Variants in TXN observed in about 807,000 individuals in gnomAD.
The protein encoded by TXN is thioredoxin.
A neutral mutation model predicts 16.5 loss-of-function variants in TXN; 10 were observed. The ratio of observed to expected loss-of-function variants is 0.61; its 90% CI spans 0.37 to 1.03. The LOEUF (loss-of-function observed/expected upper bound fraction) is 1.03, where lower values mean the gene tolerates loss of function less well. Ranked by LOEUF, TXN falls within the 50% of genes least tolerant of loss-of-function variation. The pLI, the probability that TXN is intolerant of heterozygous loss-of-function variation, is 0.01. For synonymous variants in TXN, 35 were observed against 39.4 expected (o/e 0.89, Z 0.42); for missense variants, 71 against 122.5 (o/e 0.58, Z 1.98).
Position 110,251,376 on chromosome 9 carries a change from C to A in TXN, c.111G>T (p.Met37Ile). The change falls in exon 2 of 5, where the codon ATG becomes ATT. Residue 37 changes from methionine to isoleucine, a missense_variant. By Grantham distance (10) the Met-to-Ile change is conservative. Coordinates refer to ENST00000374517, the MANE Select transcript of TXN (RefSeq NM_003329.4). ...TACTCACATGAAAGAAAGGCTTGAT[C>A]ATTTTGCAAGGCCCACACCACGTGG... ...FSATWCGPCK[M>I]IKPFFHSLSE... The A allele has an allele frequency of 6.2e-7, 1 of 1,611,206 alleles. No individual in the cohort carries two copies. The highest frequency in any genetic ancestry group is 1.1e-5 in the South Asian group (1 of 90,934).
rs1172654916 is a variant in TXN at position 110,245,645 on chromosome 9, TA to T, written c.190-803del. Among the ~76,000 whole-genome samples, 275 of 33,378 alleles carry T rather than the reference TA, an allele frequency of 8.2e-3. 4 individuals carry two copies. Among genetic ancestry groups the T allele is most frequent in the African/African-American group, 0.013 (83 of 6,308 alleles). 21.9% of individuals were successfully genotyped at this position (33,378 alleles called of 152,430 possible). ...ATATATATATATATATATATATATATATATATATATTTTTTTTTTTTTTTTT... is the reference window on the plus strand; with the variant it reads ...ATATATATATATATATATATATATATTATATATATTTTTTTTTTTTTTTTT... On this transcript the variant is annotated intron_variant, in intron 3 of 4. Coordinates refer to ENST00000374517, the MANE Select transcript of TXN (RefSeq NM_003329.4).
At position 110,245,652 on chromosome 9, in the gene TXN, A is replaced by AT. The variant is rs1277293432; in HGVS notation, c.190-810dup. Among the ~76,000 whole-genome samples the AT allele has an allele frequency of 4.6e-4, 11 of 23,678 alleles. No homozygotes were observed. In the South Asian group the frequency reaches 8.8e-3, roughly 19 times the overall value. The allele number at this position is 23,678 out of a possible 152,430, so 15.5% of individuals were successfully genotyped here. ...TATATATATATATATATATATATATATATTTTTTTTTTTTTTTTTTTATAG... is the reference window on the plus strand; with the variant it reads ...TATATATATATATATATATATATATATTATTTTTTTTTTTTTTTTTTTATAG... On this transcript the variant is annotated intron_variant, in intron 3 of 4. Coordinates refer to ENST00000374517, the MANE Select transcript of TXN (RefSeq NM_003329.4).
Position 110,256,315 on chromosome 9 carries a change from C to T in TXN, c.24+97G>A. The T allele has an allele frequency of 7.5e-7, 1 of 1,338,768 alleles. No individual in the cohort carries two copies. Among genetic ancestry groups the T allele is most frequent in the Non-Finnish European group, 1.0e-6 (1 of 965,388 alleles). 82.9% of individuals were successfully genotyped at this position (1,338,768 alleles called of 1,614,324 possible). On this transcript the variant is annotated intron_variant, in intron 1 of 4. Coordinates refer to ENST00000374517, the MANE Select transcript of TXN (RefSeq NM_003329.4). The surrounding 1 kb of genome is among the most constrained non-coding windows in gnomAD (Gnocchi z 4.2). ...CGATGCGGAGGGGCGGCCTCCGCAC[C>T]TCCCGCCACCGCCTTCCCCACCTCC...
intron 3 of TXN, among the ~76,000 whole-genome samples, chr9:110,245,626 A>ACACACAC (rs1310999227): frequency 4.8e-5 from 1 of 21,012 alleles, no homozygotes; most frequent in African/African-American, 2.6e-4. Context: ...CACTATATAT[A>ACACACAC]TATATATATA....
rs781316635 is a variant in TXN at position 110,251,403 on chromosome 9, T to G, written c.84A>C (p.Ser28=). The change falls in exon 2 of 5, where the codon TCA becomes TCC. Residue 28 remains serine (S), a synonymous_variant. Coordinates refer to ENST00000374517, the MANE Select transcript of TXN (RefSeq NM_003329.4). The part of the protein sequence containing the change: ...AGDKLVVVDF[S]ATWCGPCKMI... ...TTTTGCAAGGCCCACACCACGTGGC[T>G]GAGAAGTCAACTACTACAAGTTTAT... The G allele has an allele frequency of 1.2e-6, 2 of 1,612,140 alleles. No homozygotes were observed. Among genetic ancestry groups the G allele is most frequent in the South Asian group, 2.2e-5 (2 of 90,994 alleles).
rs1316413605 is a variant in TXN, at chr9:110,245,639, TATATATATATATATA to T, written c.190-811_190-797del. Among the ~76,000 whole-genome samples the T allele has an allele frequency of 9.5e-4, 29 of 30,620 alleles. 1 individual carries two copies. The highest frequency in any genetic ancestry group is 0.02 in the Middle Eastern group (2 of 102). The allele number at this position is 30,620 out of a possible 152,430, so 20.1% of individuals were successfully genotyped here. The stretch of plus-strand genomic sequence containing the variant: ...CACACTATATATATATATATATATA[TATATATATATATATA>T]TTTTTTTTTTTTTTTTTTTATAGGG... On this transcript the variant is annotated intron_variant, in intron 3 of 4. Coordinates refer to ENST00000374517, the MANE Select transcript of TXN (RefSeq NM_003329.4).
chr9:110,248,485 A>G (rs1294424940), intron 3 of TXN, among the ~76,000 whole-genome samples: 1 of 152,238 alleles, frequency 6.6e-6, no homozygotes, highest in Non-Finnish European at 1.5e-5. Context: ...TAGGAGCAAC[A>G]GGCTTTACCA....
Position 110,256,438 on chromosome 9 carries a change from T to G in TXN, c.-3A>C. 3 of 1,606,940 alleles carry G rather than the reference T, an allele frequency of 1.9e-6. No homozygotes were observed. Among genetic ancestry groups the G allele is most frequent in the Non-Finnish European group, 2.5e-6 (3 of 1,176,812 alleles). ...TTGCTCTCGATCTGCTTCACCATCT[T>G]GGCTGCTGGAGTCTGACGAGCGGCT... On this transcript the variant is annotated 5_prime_UTR_variant, in exon 1 of 5. Coordinates refer to ENST00000374517, the MANE Select transcript of TXN (RefSeq NM_003329.4). The surrounding 1 kb of genome is among the most constrained non-coding windows in gnomAD (Gnocchi z 4.2).
chr9:110,248,760 G>A (rs559857885), intron 3 of TXN, among the ~76,000 whole-genome samples: 11 of 152,132 alleles, frequency 7.2e-5, no homozygotes, highest in East Asian at 1.9e-4. Flanking sequence ...TATAGTTATC[G>A]TGAGGATTAA....
intron 3 of TXN, among the ~76,000 whole-genome samples, chr9:110,248,412 T>A (rs1376631760): frequency 1.3e-5 from 2 of 152,194 alleles, no homozygotes; most frequent in Non-Finnish European, 2.9e-5. Context: ...CACAAATACT[T>A]ACTGTTGTGT....
intron 3 of TXN, among the ~76,000 whole-genome samples, chr9:110,245,635 T>C (rs1465066505): frequency 1.6e-4 from 4 of 25,784 alleles, no homozygotes; most frequent in Non-Finnish European, 2.2e-4. Context: ...TATATATATA[T>C]ATATATATAT....
intron 3 of TXN, among the ~76,000 whole-genome samples, chr9:110,250,118 T>C (rs571892343): frequency 6.6e-6 from 1 of 152,354 alleles, no homozygotes; most frequent in Admixed American, 6.5e-5. Context: ...CCAGACCACT[T>C]CATTTTAAAT....
chr9:110,255,785 C>T (rs1837801457), intron 1 of TXN, among the ~76,000 whole-genome samples: 2 of 152,212 alleles, frequency 1.3e-5, no homozygotes, highest in African/African-American at 2.4e-5. Context: ...GGATACAGCA[C>T]GCGTCACCTT....
chr9:110,249,125 C>CAAAAAAA lies in TXN; in HGVS notation c.189+1688_189+1694dup, dbSNP rs71302631. 1.1e-3 allele frequency among the ~76,000 whole-genome samples: 60 copies of CAAAAAAA among 53,844 alleles called. 1 individual carries two copies. The highest frequency in any genetic ancestry group is 1.2e-3 in the African/African-American group (18 of 14,496). The allele number at this position is 53,844 out of a possible 152,430, so 35.3% of individuals were successfully genotyped here. A position where few individuals can be genotyped will look rare whatever the true frequency, so the allele number is the denominator to read the frequency against. On this transcript the variant is annotated intron_variant, in intron 3 of 4. Transcript: ENST00000374517. ...CCAGGTGACAGAGTGAACTCCATCTCAAAAAAAAAAAAAAAAAAAAAAAAA... is the reference window on the plus strand; with the variant it reads ...CCAGGTGACAGAGTGAACTCCATCTCAAAAAAAAAAAAAAAAAAAAAAAAAAAAAAAA...
intron 3 of TXN, among the ~76,000 whole-genome samples, chr9:110,246,098 A>T (rs1424395215): frequency 7.3e-6 from 1 of 137,044 alleles, no homozygotes; most frequent in Non-Finnish European, 1.6e-5. Flanking sequence ...GAATTCTCAA[A>T]CCTTGCTGCA....
At chr9:110,248,399 A>G (rs1306521688) in intron 3 of TXN, among the ~76,000 whole-genome samples, 2 of 152,172 alleles carry the variant, frequency 1.3e-5, no homozygotes, top group Non-Finnish European at 2.9e-5. Flanking sequence ...CTATGTTTAG[A>G]TACACAAATA....
At chr9:110,248,559 A>C (rs1205832144) in intron 3 of TXN, among the ~76,000 whole-genome samples, 1 of 152,156 alleles carries the variant, frequency 6.6e-6, no homozygotes, top group Non-Finnish European at 1.5e-5. Flanking sequence ...ATGTGTGCAC[A>C]ACAAAATTGC....
chr9:110,255,673 G>A (rs1208426509), intron 1 of TXN, among the ~76,000 whole-genome samples: 1 of 152,220 alleles, frequency 6.6e-6, no homozygotes, highest in Non-Finnish European at 1.5e-5. Context: ...CCGTGGGCGC[G>A]GCCCGGACCT....
At chr9:110,248,422 T>C (rs1249378371) in intron 3 of TXN, among the ~76,000 whole-genome samples, 1 of 152,214 alleles carries the variant, frequency 6.6e-6, no homozygotes, top group East Asian at 1.9e-4. Context: ...TACTGTTGTG[T>C]TATAACTGCC....
Sources: allele counts gnomAD v4.1 joint callset (sites outside exome capture counted in the v4.1 genomes callset), GRCh38; gene constraint gnomAD v4.1.1; non-coding constraint Gnocchi (gnomAD v3.1); transcripts MANE v1.5; gene names NCBI Gene and HGNC (gene_info 2026-07-23, HGNC 2026-07-21).